The following TLN2 variants were observed in gnomAD, a reference collection of about 807,000 sequenced individuals.
The protein encoded by TLN2 is talin-2.
TLN2 carries 118 observed loss-of-function variants against 294.7 expected under a neutral mutation model. The ratio of observed to expected loss-of-function variants is 0.40; its 90% CI spans 0.34 to 0.47. The LOEUF is 0.47. TLN2 is among the 20% of genes least tolerant of loss of function. TLN2 has a pLI of 0.84. For synonymous variants in TLN2, 1,431 were observed against 1,304.5 expected (o/e 1.10, Z -2.09); for missense variants, 3,083 against 3,282.2 (o/e 0.94, Z 1.48).
chr15:62,617,172 T>C (rs143178574), intron 2 of TLN2, among the ~76,000 whole-genome samples: 1 of 152,190 alleles, frequency 6.6e-6, no homozygotes, highest in East Asian at 1.9e-4. Flanking sequence ...AGTTGCTTTC[T>C]TTTTTGCCTG....
In TLN2 at chr15:62,755,646, G is replaced by A; in HGVS notation, c.4591G>A (p.Ala1531Thr). Residue 1531 changes from alanine to threonine, a missense_variant, in exon 37 of 59, where the codon GCC becomes ACC. Transcript: ENST00000636159. ...AGCCAAGAGGCACTTCGTCCAGTCA[G>A]CCAAGGAAGTCGCCAACAGCACTGC... ...PVAKRHFVQS[A>T]KEVANSTANL... The A allele has an allele frequency of 1.2e-6, 2 of 1,614,266 alleles. No individual in the cohort carries two copies. Among genetic ancestry groups the A allele is most frequent in the Non-Finnish European group, 8.5e-7 (1 of 1,180,052 alleles).
intron 6 of TLN2, among the ~76,000 whole-genome samples, chr15:62,652,764 G>A (rs1229489964): frequency 6.6e-6 from 1 of 152,080 alleles, no homozygotes; most frequent in Non-Finnish European, 1.5e-5. Flanking sequence ...ACTTCTTTGG[G>A]TACGATTTCA....
intron 1 of TLN2, among the ~76,000 whole-genome samples, chr15:62,578,079 A>T (rs113343857): frequency 0.12 from 18,056 of 152,260 alleles, 1,415 homozygotes; most frequent in Non-Finnish European, 0.17. Flanking sequence ...GTATTTTCTT[A>T]ATCCAGTCTA....
rs191762105 is a variant in TLN2 at position 62,656,065 on chromosome 15, G to A, written c.639G>A (p.Gln213=). ...DQNVDSRDPV[Q]LNLLYVQARD... is the part of the protein sequence containing the mutation. Reference sequence around the variant, plus strand: ...ATGTAGATTCGAGAGACCCCGTGCAGCTGAACTTGCTTTATGTTCAGGTAC... The same window carrying A: ...ATGTAGATTCGAGAGACCCCGTGCAACTGAACTTGCTTTATGTTCAGGTAC... The change falls in exon 8 of 59, where the codon CAG becomes CAA. Residue 213 remains glutamine (Q), a synonymous_variant. Coordinates refer to ENST00000636159, the MANE Select transcript of TLN2 (RefSeq NM_015059.3). 10 of 1,614,184 alleles carry A rather than the reference G, an allele frequency of 6.2e-6. No individual in the cohort carries two copies. The East Asian group carries it at 2.0e-4, about 32-fold the overall frequency.
At chr15:62,681,565 G>A (rs2141027996) in intron 11 of TLN2, among the ~76,000 whole-genome samples, 1 of 152,234 alleles carries the variant, frequency 6.6e-6, no homozygotes, top group Non-Finnish European at 1.5e-5. Flanking sequence ...CTTGCATGTT[G>A]GAGTTGGGAA....
intron 1 of TLN2, among the ~76,000 whole-genome samples, chr15:62,560,786 G>C (rs1477916192): frequency 6.6e-6 from 1 of 152,228 alleles, no homozygotes; most frequent in Non-Finnish European, 1.5e-5. Flanking sequence ...CATAATGAAG[G>C]CTGTCAGAGA....
At chr15:62,570,981 C>T (rs1464589068) in intron 1 of TLN2, among the ~76,000 whole-genome samples, 1 of 151,824 alleles carries the variant, frequency 6.6e-6, no homozygotes, top group East Asian at 1.9e-4. Context: ...AACCTTCACA[C>T]TTACTTAAGG....
intron 1 of TLN2, among the ~76,000 whole-genome samples, chr15:62,399,735 C>T (rs533124103): frequency 1.4e-3 from 211 of 152,332 alleles, no homozygotes; most frequent in African/African-American, 4.8e-3. Flanking sequence ...TGGCCAATTT[C>T]TCCTATTTGG....
intron 9 of TLN2, among the ~76,000 whole-genome samples, chr15:62,667,309 C>T (rs896812659): frequency 2.6e-5 from 4 of 152,136 alleles, no homozygotes; most frequent in African/African-American, 9.7e-5. Flanking sequence ...TGCTGCTGGT[C>T]CTGGGGCCAC....
chr15:62,796,613 G>C (rs1181162472), intron 47 of TLN2, among the ~76,000 whole-genome samples: 1 of 152,212 alleles, frequency 6.6e-6, no homozygotes, highest in East Asian at 1.9e-4. Context: ...ATTGGGAATG[G>C]CAGGGGCAGG....
intron 1 of TLN2, among the ~76,000 whole-genome samples, chr15:62,511,943 A>T (rs915071629): frequency 6.6e-6 from 1 of 152,024 alleles, no homozygotes; most frequent in Non-Finnish European, 1.5e-5. Context: ...TCGATTTTGC[A>T]CCTGTGCCTG....
intron 51 of TLN2, among the ~76,000 whole-genome samples, chr15:62,809,615 G>C (rs1219580108): frequency 6.6e-6 from 1 of 152,188 alleles, no homozygotes; most frequent in African/African-American, 2.4e-5. Flanking sequence ...GGATGTTTTT[G>C]TGCATGTGGA....
intron 1 of TLN2, among the ~76,000 whole-genome samples, chr15:62,584,893 T>A (rs897512228): frequency 3.3e-5 from 5 of 152,246 alleles, no homozygotes; most frequent in African/African-American, 1.2e-4. Flanking sequence ...CCTCAGCTAA[T>A]CCTATTGGAT....
At chr15:62,494,732 A>G (rs1461794098) in intron 1 of TLN2, among the ~76,000 whole-genome samples, 1 of 152,188 alleles carries the variant, frequency 6.6e-6, no homozygotes, top group Non-Finnish European at 1.5e-5. Context: ...GAAAGAGGAA[A>G]AAAAAGACAT....
intron 1 of TLN2, among the ~76,000 whole-genome samples, chr15:62,502,043 G>C (rs1038606752): frequency 2.0e-5 from 3 of 152,156 alleles, no homozygotes; most frequent in Non-Finnish European, 4.4e-5. Flanking sequence ...CTAAGCCTAT[G>C]ATGGGCCTTA....
Position 62,781,204 on chromosome 15 carries a change from A to C in TLN2, c.5579A>C (p.Lys1860Thr), listed in dbSNP as rs2141080742. ...GTCGACTATCAGACGACTGTGGTTA[A>C]ATACTCCAAAGCCATTGCGGTGACA... ...TFVDYQTTVV[K>T]YSKAIAVTAQ... is the part of the protein sequence containing the mutation. Residue 1860 changes from lysine to threonine, a missense_variant, in exon 44 of 59, where the codon AAA becomes ACA. Transcript: ENST00000636159. 1 of 1,614,170 alleles carries C rather than the reference A, an allele frequency of 6.2e-7. No homozygotes were observed.
At chr15:62,489,928 C>G (rs544995049) in intron 1 of TLN2, among the ~76,000 whole-genome samples, 16 of 152,284 alleles carry the variant, frequency 1.1e-4, no homozygotes, top group African/African-American at 3.6e-4. Flanking sequence ...GATTGTAGCT[C>G]CTGCCCACAT....
Position 62,734,632 on chromosome 15 carries a change from C to T in TLN2, c.3359-2246C>T, listed in dbSNP as rs915583799. Among the ~76,000 whole-genome samples the T allele has an allele frequency of 2.0e-5, 3 of 152,236 alleles. No homozygotes were observed. In the South Asian group the frequency reaches 6.2e-4, roughly 31 times the overall value. Reference sequence around the variant, plus strand: ...GTGCTTTCTCTTCTGGGCTTCTCCTCTGCCATAAAAAGCACTTAGTTTAAA... The same window carrying T: ...GTGCTTTCTCTTCTGGGCTTCTCCTTTGCCATAAAAAGCACTTAGTTTAAA... On this transcript the variant is annotated intron_variant, in intron 28 of 58. Coordinates refer to ENST00000636159, the MANE Select transcript of TLN2 (RefSeq NM_015059.3).
intron 1 of TLN2, among the ~76,000 whole-genome samples, chr15:62,577,445 A>AAAAAC (rs1175883838): frequency 6.6e-6 from 1 of 152,218 alleles, no homozygotes; most frequent in Non-Finnish European, 1.5e-5. Flanking sequence ...ACTCCATCTC[A>AAAAAC]AAAACAAAAC....
Sources: allele counts gnomAD v4.1 joint callset (sites outside exome capture counted in the v4.1 genomes callset), GRCh38; gene constraint gnomAD v4.1.1; transcripts MANE v1.5; gene names NCBI Gene and HGNC (gene_info 2026-07-23, HGNC 2026-07-21).